The following SH3YL1 variants were observed in gnomAD, a reference collection of about 807,000 sequenced individuals.
SH3YL1 encodes the protein SH3 domain-containing YSC84-like protein 1.
In SH3YL1, 41 loss-of-function variants were observed where a neutral mutation model predicts 45.8. That is an observed-to-expected ratio of 0.89 (90% CI 0.70 to 1.16). The LOEUF is 1.16. Ranked by LOEUF, SH3YL1 falls within the 50% of genes most tolerant of loss-of-function variation. The pLI is 0.00. For synonymous variants in SH3YL1, 152 were observed against 151.4 expected (o/e 1.00, Z -0.03); for missense variants, 389 against 409.6 (o/e 0.95, Z 0.43).
At chr2:248,717 C>A (rs1362182251) in intron 3 of SH3YL1, among the ~76,000 whole-genome samples, 1 of 152,170 alleles carries the variant, frequency 6.6e-6, no homozygotes, top group Non-Finnish European at 1.5e-5. Context: ...TTCTCACAGA[C>A]TCTGAGTCCC....
chr2:241,451 A>C (rs977792302), intron 4 of SH3YL1: 2 of 152,158 alleles, frequency 1.3e-5, no homozygotes, highest in Non-Finnish European at 2.9e-5. Context: ...TAAGTACTAG[A>C]AGGCAAGGAA....
chr2:229,327 G>A (rs1667927080), intron 8 of SH3YL1, among the ~76,000 whole-genome samples: 1 of 152,136 alleles, frequency 6.6e-6, no homozygotes, highest in Non-Finnish European at 1.5e-5. Context: ...GAAAAAAACA[G>A]GCTTATTTTG....
In SH3YL1 at chr2:229,988, G is replaced by T; in HGVS notation, c.759C>A (p.Val253=). Residue 253 remains valine, a synonymous_variant, in exon 8 of 10, where the codon GTC becomes GTA. Transcript: ENST00000356150. ...LSRPQQSSAP[V]QLNSGSQSNR... ...TACTTTGAGAGCCAGAGTTCAGCTGGACTGGTGCAGATGACTGCTGTGGTC... is the reference window on the plus strand; with the variant it reads ...TACTTTGAGAGCCAGAGTTCAGCTGTACTGGTGCAGATGACTGCTGTGGTC... 6.2e-7 allele frequency: 1 copy of T among 1,613,010 alleles called. No homozygotes were observed. The highest frequency in any genetic ancestry group is 8.5e-7 in the Non-Finnish European group (1 of 1,179,194).
intron 4 of SH3YL1, among the ~76,000 whole-genome samples, chr2:246,841 A>G (rs1236943695): frequency 6.6e-6 from 1 of 152,210 alleles, no homozygotes; most frequent in Non-Finnish European, 1.5e-5. Context: ...TCCTCCTAAT[A>G]AGGCTGAGGG....
At chr2:244,586 CAGAT>C (rs1668707315) in intron 4 of SH3YL1, 1 of 132,228 alleles carries the variant, frequency 7.6e-6, no homozygotes, top group Non-Finnish European at 1.7e-5. Context: ...GAAAGAAAGG[CAGAT>C]AGTTAAATTA....
intron 1 of SH3YL1, chr2:256,444 C>T (rs1669334954): frequency 6.6e-6 from 1 of 152,186 alleles, no homozygotes; most frequent in Non-Finnish European, 1.5e-5. Flanking sequence ...GTAATCCCAG[C>T]AATTTGGGAG....
chr2:251,146 C>A (rs1352944481), intron 2 of SH3YL1, among the ~76,000 whole-genome samples: 1 of 152,160 alleles, frequency 6.6e-6, no homozygotes, highest in East Asian at 1.9e-4. Flanking sequence ...AATTCAGGGA[C>A]ACTAACATAT....
At chr2:245,576 G>A (rs1242593515) in intron 4 of SH3YL1, among the ~76,000 whole-genome samples, 1 of 152,170 alleles carries the variant, frequency 6.6e-6, no homozygotes, top group Non-Finnish European at 1.5e-5. Flanking sequence ...AAGCTGAGGT[G>A]TGGAGAAGAA....
chr2:262,486 C>G (rs1327335218), intron 1 of SH3YL1: 1 of 786,782 alleles, frequency 1.3e-6, no homozygotes, highest in Non-Finnish European at 1.8e-6. Flanking sequence ...AGAGTGTGAT[C>G]TTGGTACAGA....
At chr2:238,133 G>A (rs1668386520) in intron 4 of SH3YL1, among the ~76,000 whole-genome samples, 2 of 152,094 alleles carry the variant, frequency 1.3e-5, no homozygotes, top group African/African-American at 2.4e-5. Flanking sequence ...TGGACAACCC[G>A]CTAAGAAAGC....
chr2:242,682 TA>T, intron 4 of SH3YL1: 1 of 1,316,022 alleles, frequency 7.6e-7, no homozygotes, highest in South Asian at 2.0e-5. Context: ...GTGAATGAAT[TA>T]AACAACCAAA....
chr2:224,970 C>T (rs2290912), intron 8 of SH3YL1, 50 bp from the exon 9 acceptor site: 936,853 of 1,409,542 alleles, frequency 0.66, 316,307 homozygotes, highest in East Asian at 0.82. Flanking sequence ...TAGTATATAT[C>T]ATACAAAATA....
In SH3YL1 at chr2:233,225, A is replaced by C; in HGVS notation, c.409T>G (p.Leu137Val). Reference protein sequence around the residue: ...TVAVGPLGRNLEGNVALRSSA... With the variant: ...TVAVGPLGRNVEGNVALRSSA... ...CTTCTCAGGGCCACGTTTCCTTCCAAGTTCCTGCAAAGCACAAGATTTTGC... is the reference window on the plus strand; with the variant it reads ...CTTCTCAGGGCCACGTTTCCTTCCACGTTCCTGCAAAGCACAAGATTTTGC... Residue 137 changes from leucine to valine, a missense_variant, in exon 6 of 10, where the codon TTG (leucine) becomes GTG (valine). Coordinates refer to ENST00000356150, the MANE Select transcript of SH3YL1 (RefSeq NM_015677.4). 1 of 1,567,724 alleles carries C rather than the reference A, an allele frequency of 6.4e-7. No individual in the cohort carries two copies. The highest frequency in any genetic ancestry group is 8.6e-7 in the Non-Finnish European group (1 of 1,156,792).
At chr2:251,511 T>G (rs1011699551) in intron 2 of SH3YL1, among the ~76,000 whole-genome samples, 2 of 152,208 alleles carry the variant, frequency 1.3e-5, no homozygotes, top group African/African-American at 4.8e-5. Flanking sequence ...AGAATTTCTT[T>G]TTCTGAGCTT....
chr2:242,274 CTGAG>C (rs1367600025), intron 4 of SH3YL1: 6 of 152,012 alleles, frequency 3.9e-5, no homozygotes, highest in African/African-American at 1.4e-4. Context: ...CAATTATTCT[CTGAG>C]TTTCTCTAAA....
chr2:252,987 C>G lies in SH3YL1; in HGVS notation c.112+18G>C. On this transcript the variant is annotated intron_variant, in intron 2 of 9. Coordinates refer to ENST00000356150, the MANE Select transcript of SH3YL1 (RefSeq NM_015677.4). Reference sequence around the variant, plus strand: ...AAAAGACATTTAGAGACAAACAGCACTCATCCTATTTACCTACCAGGAATG... The same window carrying G: ...AAAAGACATTTAGAGACAAACAGCAGTCATCCTATTTACCTACCAGGAATG... The G allele has an allele frequency of 1.4e-6, 2 of 1,391,086 alleles. No homozygotes were observed. The highest frequency in any genetic ancestry group is 2.0e-6 in the Non-Finnish European group (2 of 1,003,170). 86.2% of individuals were successfully genotyped at this position (1,391,086 alleles called of 1,614,324 possible).
chr2:233,756 T>G (rs1668162637), intron 5 of SH3YL1, among the ~76,000 whole-genome samples: 1 of 152,210 alleles, frequency 6.6e-6, no homozygotes, highest in Non-Finnish European at 1.5e-5. Flanking sequence ...CTTTAAGTAC[T>G]GTAAACACGG....
At position 223,724 on chromosome 2, in the gene SH3YL1, T is replaced by A. The variant is rs56256573; in HGVS notation, c.838+1140A>T. ...GTGAACCACAAAGGGTGAAACACAT[T>A]TTTAAAACCTCTCAGAGCTTTCTCT... On this transcript the variant is annotated intron_variant, in intron 9 of 9. Transcript: ENST00000356150. 2.7e-3 allele frequency among the ~76,000 whole-genome samples: 411 copies of A among 152,320 alleles called. 2 individuals carry two copies. Among genetic ancestry groups the A allele is most frequent in the African/African-American group, 9.4e-3 (390 of 41,568 alleles).
intron 4 of SH3YL1, among the ~76,000 whole-genome samples, chr2:235,548 G>C (rs1169919773): frequency 1.5e-4 from 9 of 59,634 alleles, no homozygotes; most frequent in African/African-American, 5.3e-4. Flanking sequence ...GCATGGGCCA[G>C]GGGAGGCAAC....
Sources: gnomAD v4.1 joint callset for allele counts (sites outside exome capture counted in the v4.1 genomes callset) on GRCh38, gnomAD v4.1.1 for gene constraint, MANE v1.5 for transcripts, NCBI Gene and HGNC (gene_info 2026-07-23, HGNC 2026-07-21) for gene names.